ARNT2: variants seen among roughly 807,000 people sequenced by gnomAD.
The protein encoded by ARNT2 is aryl hydrocarbon receptor nuclear translocator 2.
A neutral mutation model predicts 91.7 loss-of-function variants in ARNT2; 36 were observed. The ratio of observed to expected loss-of-function variants is 0.39; its 90% CI spans 0.30 to 0.52. The LOEUF is 0.52. Ranked by LOEUF, ARNT2 falls within the 20% of genes least tolerant of loss-of-function variation. The pLI is 0.72. For synonymous variants in ARNT2, 365 were observed against 347.1 expected, an observed-to-expected ratio of 1.05 and a Z score of -0.57; for missense variants, 775 against 939.3, an observed-to-expected ratio of 0.83 and a Z score of 2.29.
chr15:80,444,093 T>C (rs1000820265), intron 1 of ARNT2, among the ~76,000 whole-genome samples: 3 of 152,104 alleles, frequency 2.0e-5, no homozygotes, highest in African/African-American at 4.8e-5. Flanking sequence ...GAGGTGAGGG[T>C]CCTGTTCTTC....
intron 5 of ARNT2, chr15:80,487,585 G>T (rs952373978): frequency 6.6e-6 from 1 of 152,292 alleles, no homozygotes; most frequent in Non-Finnish European, 1.5e-5. Flanking sequence ...CAAGGTACGG[G>T]CTCAGTTTCC....
In ARNT2 at chr15:80,552,779, G is replaced by A. The variant is rs1356928092; in HGVS notation, c.1089+5G>A. The A allele has an allele frequency of 6.2e-7, 1 of 1,613,328 alleles. No homozygotes were observed. Among genetic ancestry groups the A allele is most frequent in the African/African-American group, 1.3e-5 (1 of 74,886 alleles). On this transcript the variant is annotated splice_donor_5th_base_variant and intron_variant, in intron 10 of 18. Coordinates refer to ENST00000303329, the MANE Select transcript of ARNT2 (RefSeq NM_014862.4). ...GTGATTGGCTACCAACCCCAGGTGA[G>A]TAGATAGTTTTGAGCCTATGGCAAT... is the stretch of plus-strand genomic sequence containing the variant.
At chr15:80,481,628 G>A (rs957106742) in intron 5 of ARNT2, among the ~76,000 whole-genome samples, 6 of 152,242 alleles carry the variant, frequency 3.9e-5, no homozygotes, top group Middle Eastern at 3.4e-3. Flanking sequence ...TGGGAGGATC[G>A]CTTGAGCCCA....
intron 5 of ARNT2, among the ~76,000 whole-genome samples, chr15:80,481,635 C>T (rs1468162637): frequency 2.0e-5 from 3 of 152,122 alleles, no homozygotes; most frequent in Non-Finnish European, 2.9e-5. Flanking sequence ...ATCGCTTGAG[C>T]CCAAGAGGTC....
intron 8 of ARNT2, among the ~76,000 whole-genome samples, chr15:80,547,819 A>G (rs1199271976): frequency 1.3e-5 from 2 of 152,156 alleles, no homozygotes. Context: ...GTATAATGCA[A>G]TGTGTCAACA....
At chr15:80,466,736 C>A (rs754638056) in intron 3 of ARNT2, among the ~76,000 whole-genome samples, 1 of 152,212 alleles carries the variant, frequency 6.6e-6, no homozygotes, top group Non-Finnish European at 1.5e-5. Flanking sequence ...AATCTTGTTG[C>A]TAAGTAATTG....
At chr15:80,589,553 G>A (rs1361268624) in intron 17 of ARNT2, among the ~76,000 whole-genome samples, 1 of 152,184 alleles carries the variant, frequency 6.6e-6, no homozygotes, top group Non-Finnish European at 1.5e-5. Flanking sequence ...CCTTCCTTCA[G>A]CACAGGTGGC....
At position 80,581,323 on chromosome 15, in the gene ARNT2, T is replaced by C; in HGVS notation, c.1837T>C (p.Tyr613His). The C allele has an allele frequency of 6.2e-7, 1 of 1,614,166 alleles. No individual in the cohort carries two copies. The highest frequency in any genetic ancestry group is 8.5e-7 in the Non-Finnish European group (1 of 1,180,014). Residue 613 changes from tyrosine (Y) to histidine (H), a missense_variant, in exon 17 of 19, where the codon TAC (tyrosine) becomes CAC (histidine). By Grantham distance (83) the Tyr-to-His change is moderately conservative (BLOSUM62 2). This residue lies in a region of ARNT2 where 325 missense variants were observed against 359.9 expected (regional missense o/e 0.90). Transcript: ENST00000303329. ...SHTYPADPSS[Y>H]SPLSSPATSS... The stretch of plus-strand genomic sequence containing the variant: ...CACCTACCCGGCAGACCCCTCTTCC[T>C]ACAGCCCCCTCTCCAGCCCAGCTAC...
chr15:80,515,839 TG>T (rs1386570563), intron 8 of ARNT2, among the ~76,000 whole-genome samples: 3 of 151,622 alleles, frequency 2.0e-5, no homozygotes, highest in Non-Finnish European at 2.9e-5. Flanking sequence ...TTGAGAACAA[TG>T]TGTATACTGC....
intron 8 of ARNT2, among the ~76,000 whole-genome samples, chr15:80,543,094 CAAAAAAAAAAAAAA>C (rs368917679): frequency 2.0e-4 from 17 of 86,672 alleles, no homozygotes; most frequent in South Asian, 1.0e-3. Flanking sequence ...CAGACCCGGT[CAAAAAAAAAAAAAA>C]AAAAAAAAAA....
At chr15:80,503,151 ATC>A (rs1204646126) in intron 5 of ARNT2, among the ~76,000 whole-genome samples, 10 of 152,172 alleles carry the variant, frequency 6.6e-5, no homozygotes, top group African/African-American at 2.2e-4. Flanking sequence ...TGGCAGTAAC[ATC>A]TCTGTTTGCC....
chr15:80,412,842 A>G (rs1285220608), intron 1 of ARNT2, among the ~76,000 whole-genome samples: 1 of 152,230 alleles, frequency 6.6e-6, no homozygotes, highest in Non-Finnish European at 1.5e-5. Context: ...ACTGCTGTCC[A>G]CAAAGGTTAG....
intron 11 of ARNT2, among the ~76,000 whole-genome samples, chr15:80,559,688 C>A (rs925589262): frequency 1.3e-5 from 2 of 152,188 alleles, no homozygotes; most frequent in Non-Finnish European, 2.9e-5. Flanking sequence ...CCTCTCCAGG[C>A]ACAGTTTACC....
chr15:80,569,033 T>C (rs1199840032), intron 12 of ARNT2, among the ~76,000 whole-genome samples: 4 of 152,096 alleles, frequency 2.6e-5, no homozygotes, highest in African/African-American at 9.7e-5. Flanking sequence ...GTATTTCGAG[T>C]CCTTCACAAT....
chr15:80,408,647 G>T (rs1895638213), intron 1 of ARNT2, among the ~76,000 whole-genome samples: 1 of 152,176 alleles, frequency 6.6e-6, no homozygotes, highest in Non-Finnish European at 1.5e-5. Flanking sequence ...GCCTTGAGTA[G>T]GGCTGGAACA....
At chr15:80,405,475 T>A (rs1273945359) in intron 1 of ARNT2, among the ~76,000 whole-genome samples, 1 of 151,902 alleles carries the variant, frequency 6.6e-6, no homozygotes, top group Non-Finnish European at 1.5e-5. Context: ...AGGGAGGTCA[T>A]GTGTTGGAGA....
At position 80,563,389 on chromosome 15, in the gene ARNT2, C is replaced by T. The variant is rs921936810; in HGVS notation, c.1316+150C>T. The T allele has an allele frequency of 3.3e-5, 31 of 950,110 alleles. No individual in the cohort carries two copies. The East Asian group carries it at 6.8e-4, about 21-fold the overall frequency. 58.9% of individuals were successfully genotyped at this position (950,110 alleles called of 1,614,324 possible). Reference sequence around the variant, plus strand: ...TTAAGAATAGAGGAGACTGTAGGTCCCCATCACTGTCTCCCTCCCATGTTC... The same window carrying T: ...TTAAGAATAGAGGAGACTGTAGGTCTCCATCACTGTCTCCCTCCCATGTTC... On this transcript the variant is annotated intron_variant, in intron 12 of 18. Coordinates refer to ENST00000303329, the MANE Select transcript of ARNT2 (RefSeq NM_014862.4).
At chr15:80,472,001 C>A (rs562625118) in intron 4 of ARNT2, among the ~76,000 whole-genome samples, 18 of 152,274 alleles carry the variant, frequency 1.2e-4, no homozygotes, top group Admixed American at 3.3e-4. Flanking sequence ...CTTCAGTGTG[C>A]TCATCTGTGA....
chr15:80,429,231 A>G (rs1032626663), intron 1 of ARNT2, among the ~76,000 whole-genome samples: 9 of 152,204 alleles, frequency 5.9e-5, no homozygotes, highest in African/African-American at 1.2e-4. Context: ...GACAGCTTCA[A>G]GAAGGGGCTG....
Sources: allele counts gnomAD v4.1 joint callset (sites outside exome capture counted in the v4.1 genomes callset), GRCh38; gene constraint gnomAD v4.1.1; regional missense constraint gnomAD v4.1.1; transcripts MANE v1.5; gene names NCBI Gene and HGNC (gene_info 2026-07-23, HGNC 2026-07-21).